Variants in PPM1D observed in about 807,000 individuals in gnomAD.
The protein encoded by PPM1D is protein phosphatase 1D.
PPM1D carries 52 observed loss-of-function variants against 58.3 expected under a neutral mutation model. That is an observed-to-expected ratio of 0.89 (90% CI 0.71 to 1.12). PPM1D has a LOEUF of 1.12. PPM1D is among the 50% of genes most tolerant of loss of function. The pLI is 0.00. For missense variants in PPM1D, 564 were observed against 777.2 expected (o/e 0.73, Z 3.26); for synonymous variants, 278 against 285.1 (o/e 0.98, Z 0.25).
intron 1 of PPM1D, among the ~76,000 whole-genome samples, chr17:60,622,023 T>TAAAAA (rs994250437): frequency 8.6e-5 from 13 of 151,004 alleles, no homozygotes; most frequent in Admixed American, 8.6e-4. Context: ...CCGTCTCTAC[T>TAAAAA]AAAAAAATAC....
At chr17:60,602,209 A>T (rs1201888318) in intron 1 of PPM1D, among the ~76,000 whole-genome samples, 2 of 152,168 alleles carry the variant, frequency 1.3e-5, no homozygotes, top group African/African-American at 2.4e-5. Context: ...GGCACCGTAG[A>T]GCTGAAAGCA....
rs1338623180 is a variant in PPM1D at position 60,665,739 on chromosome 17, G to A, written c.*2187G>A. The A allele has an allele frequency of 2.0e-5, 3 of 152,180 alleles. No individual in the cohort carries two copies. Among genetic ancestry groups the A allele is most frequent in the Admixed American group, 6.5e-5 (1 of 15,278 alleles). The allele number at this position is 152,180 out of a possible 1,614,324, so 9.4% of individuals were successfully genotyped here. On this transcript the variant is annotated 3_prime_UTR_variant, in exon 6 of 6. Transcript: ENST00000305921. ...GTGATAGTCTCGTGGTTTTGGTCAA[G>A]CTACCAACCAGGGCTACAATCTTTC...
intron 1 of PPM1D, among the ~76,000 whole-genome samples, chr17:60,620,728 T>C (rs1484379819): frequency 6.6e-6 from 1 of 152,130 alleles, no homozygotes; most frequent in Non-Finnish European, 1.5e-5. Context: ...CAGGCTGGTC[T>C]AGAACTCCTG....
rs544064291 is a variant in PPM1D, at chr17:60,622,440, A to C, written c.473-1081A>C. Reference sequence around the variant, plus strand: ...GGAGAATATGTCATTGTTTGGACTCATTTTGCCATCATGAACTATAAGTTG... The same window carrying C: ...GGAGAATATGTCATTGTTTGGACTCCTTTTGCCATCATGAACTATAAGTTG... On this transcript the variant is annotated intron_variant, in intron 1 of 5. Coordinates refer to ENST00000305921, the MANE Select transcript of PPM1D (RefSeq NM_003620.4). Among the ~76,000 whole-genome samples, 39 of 152,202 alleles carry C rather than the reference A, an allele frequency of 2.6e-4. 1 individual carries two copies. The highest frequency in any genetic ancestry group is 8.4e-4 in the African/African-American group (35 of 41,530).
intron 5 of PPM1D, 29 bp from the exon 6 acceptor site, chr17:60,662,963 TTTC>T (rs2031550533): frequency 1.3e-6 from 2 of 1,550,360 alleles, no homozygotes; most frequent in African/African-American, 1.4e-5. Context: ...GGATAAATTT[TTTC>T]TTATTTGTTT....
intron 4 of PPM1D, among the ~76,000 whole-genome samples, chr17:60,656,076 A>G (rs981000143): frequency 6.6e-6 from 1 of 152,108 alleles, no homozygotes; most frequent in Non-Finnish European, 1.5e-5. Flanking sequence ...TAATGACAGG[A>G]TAAAACCTTG....
At chr17:60,637,058 T>C (rs1011728616) in intron 3 of PPM1D, among the ~76,000 whole-genome samples, 18 of 149,486 alleles carry the variant, frequency 1.2e-4, no homozygotes, top group Non-Finnish European at 2.5e-4. Context: ...AACCTTCACC[T>C]CCTGGGTTCA....
At position 60,663,118 on chromosome 17, in the gene PPM1D, C is replaced by T. The variant is rs2031554958; in HGVS notation, c.1384C>T (p.Gln462Ter). ...VSAEIARENVQGVVIPSKDPE... is the reference protein window; with the variant it reads ...VSAEIARENV ...AGCTGAGATAGCTCGAGAGAATGTC[C>T]AAGGTGTAGTCATACCCTCAAAAGA... The change falls in exon 6 of 6, where the codon CAA becomes TAA. Residue 462 changes from glutamine (Q) to a stop codon, truncating the protein, a stop_gained. Coordinates refer to ENST00000305921, the MANE Select transcript of PPM1D (RefSeq NM_003620.4). LOFTEE classifies it high-confidence loss of function. The T allele has an allele frequency of 1.2e-6, 2 of 1,614,104 alleles. No homozygotes were observed. Among genetic ancestry groups the T allele is most frequent in the Non-Finnish European group, 1.7e-6 (2 of 1,180,000 alleles).
At chr17:60,653,265 TC>T (rs763333397) in intron 4 of PPM1D, among the ~76,000 whole-genome samples, 1 of 152,334 alleles carries the variant, frequency 6.6e-6, no homozygotes, top group Non-Finnish European at 1.5e-5. Context: ...ATAGTTTCAT[TC>T]TTCAGCATAT....
intron 5 of PPM1D, among the ~76,000 whole-genome samples, chr17:60,658,293 C>T (rs2031474080): frequency 6.6e-6 from 1 of 152,112 alleles, no homozygotes; most frequent in African/African-American, 2.4e-5. Context: ...ATATTGACCT[C>T]AAATAAAAAT....
chr17:60,601,674 T>G (rs1476010604), intron 1 of PPM1D, among the ~76,000 whole-genome samples: 1 of 152,192 alleles, frequency 6.6e-6, no homozygotes, highest in Non-Finnish European at 1.5e-5. Flanking sequence ...AAATTGTAAC[T>G]GCCCATCAAA....
At position 60,656,661 on chromosome 17, in the gene PPM1D, G is replaced by C. The variant is rs1429799869; in HGVS notation, c.1080G>C (p.Gln360His). 5 of 1,614,086 alleles carry C rather than the reference G, an allele frequency of 3.1e-6. No homozygotes were observed. The highest frequency in any genetic ancestry group is 4.2e-6 in the Non-Finnish European group (5 of 1,180,046). Residue 360 changes from glutamine to histidine, a missense_variant, in exon 5 of 6, where the codon CAG (glutamine) becomes CAC (histidine). Physicochemically the swap from Gln to His is conservative, Grantham distance 24. Coordinates refer to ENST00000305921, the MANE Select transcript of PPM1D (RefSeq NM_003620.4). ...LVNRALGRWR[Q>H]RMLRADNTSA... Reference sequence around the variant, plus strand: ...ATCGAGCATTGGGCCGCTGGAGGCAGCGTATGCTCCGAGCAGATAACACTA... The same window carrying C: ...ATCGAGCATTGGGCCGCTGGAGGCACCGTATGCTCCGAGCAGATAACACTA...
chr17:60,648,794 C>T (rs1273021168), intron 4 of PPM1D, among the ~76,000 whole-genome samples: 3 of 136,536 alleles, frequency 2.2e-5, no homozygotes, highest in Non-Finnish European at 4.7e-5. Context: ...CTCAGTGTCT[C>T]GCTCTGTTAC....
At chr17:60,658,470 G>GAT (rs2031476439) in intron 5 of PPM1D, among the ~76,000 whole-genome samples, 1 of 151,302 alleles carries the variant, frequency 6.6e-6, no homozygotes. Flanking sequence ...CCAACATGGA[G>GAT]ATACCCCATC....
chr17:60,615,798 T>G (rs192621120), intron 1 of PPM1D, among the ~76,000 whole-genome samples: 68 of 151,712 alleles, frequency 4.5e-4, no homozygotes, highest in African/African-American at 1.6e-3. Flanking sequence ...ATTACAGATG[T>G]AAGCCACCGC....
In PPM1D at chr17:60,655,584, C is replaced by T. The variant is rs539250552; in HGVS notation, c.1018-1015C>T. Reference sequence around the variant, plus strand: ...GGCTGGCCTTGAATTCCTGACCTTGCAGTCCACCTGCCTCCACCTCCCAAA... The same window carrying T: ...GGCTGGCCTTGAATTCCTGACCTTGTAGTCCACCTGCCTCCACCTCCCAAA... On this transcript the variant is annotated intron_variant, in intron 4 of 5. Transcript: ENST00000305921. Among the ~76,000 whole-genome samples, 3 of 152,264 alleles carry T rather than the reference C, an allele frequency of 2.0e-5. No homozygotes were observed. In the East Asian group the frequency reaches 5.8e-4, roughly 29 times the overall value.
At chr17:60,656,516 C>A in intron 4 of PPM1D, 83 bp from the exon 5 acceptor site, 1 of 1,512,844 alleles carries the variant, frequency 6.6e-7, no homozygotes, top group Non-Finnish European at 8.9e-7. Context: ...CAGCGAACAC[C>A]AAATATTTAA....
intron 4 of PPM1D, among the ~76,000 whole-genome samples, chr17:60,654,303 C>G (rs990352467): frequency 1.4e-5 from 2 of 145,596 alleles, no homozygotes; most frequent in African/African-American, 5.1e-5. Context: ...GAGAGTCTCA[C>G]TCTGTCACCC....
chr17:60,617,816 G>T (rs2030615617), intron 1 of PPM1D, among the ~76,000 whole-genome samples: 1 of 151,954 alleles, frequency 6.6e-6, no homozygotes, highest in South Asian at 2.1e-4. Flanking sequence ...AAACATAAAT[G>T]TACACTTCAA....
Sources: gnomAD v4.1 joint callset for allele counts (sites outside exome capture counted in the v4.1 genomes callset) on GRCh38, gnomAD v4.1.1 for gene constraint, MANE v1.5 for transcripts, NCBI Gene and HGNC (gene_info 2026-07-23, HGNC 2026-07-21) for gene names.